FRMD3: variants seen among roughly 807,000 people sequenced by gnomAD.
FRMD3 encodes the protein FERM domain containing 3, also known as FERM domain-containing protein 3.
In FRMD3, 33 loss-of-function variants were observed where a neutral mutation model predicts 70.2. That is an observed-to-expected ratio of 0.47 (90% CI 0.36 to 0.63). The LOEUF (loss-of-function observed/expected upper bound fraction) is 0.63. Ranked by LOEUF, FRMD3 falls within the 20% of genes least tolerant of loss-of-function variation. The pLI, the probability that FRMD3 is intolerant of heterozygous loss-of-function variation, is 0.00. For synonymous variants in FRMD3, 279 were observed against 255.9 expected, an observed-to-expected ratio of 1.09 and a Z score of -0.86; for missense variants, 632 against 711.4, an observed-to-expected ratio of 0.89 and a Z score of 1.27.
At chr9:83,512,233 T>G (rs1829353651) in intron 1 of FRMD3, among the ~76,000 whole-genome samples, 1 of 152,244 alleles carries the variant, frequency 6.6e-6, no homozygotes, top group African/African-American at 2.4e-5. Flanking sequence ...TTATTTATTC[T>G]TTCAGCTAAC....
Position 83,299,273 on chromosome 9 carries a change from T to TA in FRMD3, c.927-88dup, listed in dbSNP as rs1305297595. 4.0e-6 allele frequency: 3 copies of TA among 756,008 alleles called. No homozygotes were observed. The African/African-American group carries it at 5.3e-5, about 13-fold the overall frequency. The allele number at this position is 756,008 out of a possible 1,614,324, so 46.8% of individuals were successfully genotyped here. A position where few individuals can be genotyped will look rare whatever the true frequency, so the allele number is the denominator to read the frequency against. On this transcript the variant is annotated intron_variant, in intron 10 of 13. Transcript: ENST00000304195. Reference sequence around the variant, plus strand: ...TAGAGGTGTGGTGATGGGGTATTTTTACTGCAAGAAAGAAATGTAATTTAC... The same window carrying TA: ...TAGAGGTGTGGTGATGGGGTATTTTTAACTGCAAGAAAGAAATGTAATTTAC...
intron 1 of FRMD3, among the ~76,000 whole-genome samples, chr9:83,414,834 T>C (rs1017067833): frequency 3.3e-5 from 5 of 152,356 alleles, no homozygotes; most frequent in Admixed American, 3.3e-4. Flanking sequence ...CCTTGTTGTA[T>C]GTTTTGATAT....
At chr9:83,354,010 C>T (rs554143856) in intron 3 of FRMD3, among the ~76,000 whole-genome samples, 13 of 152,212 alleles carry the variant, frequency 8.5e-5, no homozygotes, top group East Asian at 7.7e-4. Context: ...CTGCAACCTC[C>T]GCCTCTTGGG....
chr9:83,480,676 G>A (rs1828547782), intron 1 of FRMD3, among the ~76,000 whole-genome samples: 1 of 151,990 alleles, frequency 6.6e-6, no homozygotes, highest in Admixed American at 6.6e-5. Context: ...TGTCTTTTTA[G>A]TAGAGACAGG....
intron 1 of FRMD3, among the ~76,000 whole-genome samples, chr9:83,523,357 T>C (rs1388445999): frequency 6.6e-6 from 1 of 152,172 alleles, no homozygotes; most frequent in African/African-American, 2.4e-5. Flanking sequence ...AAATATTTTC[T>C]TAAGTCTTCA....
the FRMD3 span, among the ~76,000 whole-genome samples, chr9:83,567,468 A>C: frequency 1.3e-5 from 2 of 152,214 alleles, no homozygotes; most frequent in Non-Finnish European, 2.9e-5. Flanking sequence ...AAATTTCTGC[A>C]ACTGGTTTGA....
chr9:83,262,069 T>A (rs1833019231), intron 13 of FRMD3, among the ~76,000 whole-genome samples: 1 of 152,180 alleles, frequency 6.6e-6, no homozygotes, highest in Admixed American at 6.5e-5. Context: ...TTCATGTAAC[T>A]CAATATTTCT....
At chr9:83,365,013 C>T (rs915089395) in intron 3 of FRMD3, among the ~76,000 whole-genome samples, 3 of 152,268 alleles carry the variant, frequency 2.0e-5, no homozygotes, top group African/African-American at 7.2e-5. Flanking sequence ...GGCTCTATAT[C>T]TTAATTACTA....
chr9:83,492,743 A>G (rs1828857372), intron 1 of FRMD3, among the ~76,000 whole-genome samples: 2 of 152,102 alleles, frequency 1.3e-5, no homozygotes, highest in African/African-American at 4.8e-5. Flanking sequence ...CTCAGCCTCC[A>G]CCACTCACAA....
chr9:83,550,764 T>A, the FRMD3 span, among the ~76,000 whole-genome samples: 1 of 151,576 alleles, frequency 6.6e-6, no homozygotes, highest in South Asian at 2.1e-4. Context: ...TCTTTCTGAT[T>A]TGGCTCTCAG....
At chr9:83,304,372 G>A (rs908661789) in intron 10 of FRMD3, among the ~76,000 whole-genome samples, 2 of 152,022 alleles carry the variant, frequency 1.3e-5, no homozygotes, top group African/African-American at 2.4e-5. Context: ...TGTGGTCTAC[G>A]GACCCACCGC....
At chr9:83,385,116 A>G (rs1387723228) in intron 2 of FRMD3, among the ~76,000 whole-genome samples, 1 of 152,146 alleles carries the variant, frequency 6.6e-6, no homozygotes, top group Non-Finnish European at 1.5e-5. Context: ...TAATTATTTC[A>G]AAACTTCATC....
the FRMD3 span, among the ~76,000 whole-genome samples, chr9:83,553,103 G>A: frequency 6.6e-6 from 1 of 152,082 alleles, no homozygotes; most frequent in South Asian, 2.1e-4. Context: ...TTTTGTATTA[G>A]CTAGCAGCAG....
intron 1 of FRMD3, among the ~76,000 whole-genome samples, chr9:83,438,383 C>A (rs1051996240): frequency 2.2e-4 from 33 of 150,916 alleles, no homozygotes; most frequent in Non-Finnish European, 4.4e-4. Flanking sequence ...TTCTTTCTAC[C>A]CACTCTACCT....
At chr9:83,298,974 AT>A (rs1834790698) in intron 11 of FRMD3, 137 bp downstream of exon 11, 1 of 941,190 alleles carries the variant, frequency 1.1e-6, no homozygotes, top group Non-Finnish European at 1.7e-6. Context: ...CCCTGTGAGC[AT>A]AAGACAGCAA....
chr9:83,567,130 AC>A, the FRMD3 span, among the ~76,000 whole-genome samples: 1 of 152,144 alleles, frequency 6.6e-6, no homozygotes, highest in East Asian at 1.9e-4. Flanking sequence ...AGGTTCCCAA[AC>A]CTCAGTTCCT....
intron 13 of FRMD3, among the ~76,000 whole-genome samples, chr9:83,272,709 G>T (rs1384247073): frequency 6.9e-6 from 1 of 144,876 alleles, no homozygotes; most frequent in Non-Finnish European, 1.5e-5. Context: ...GCCTCTTCCC[G>T]GCCGCCATCC....
At chr9:83,301,549 C>G (rs921560140) in intron 10 of FRMD3, among the ~76,000 whole-genome samples, 2 of 150,010 alleles carry the variant, frequency 1.3e-5, no homozygotes, top group Non-Finnish European at 3.0e-5. Flanking sequence ...GATTGAGTTT[C>G]TTAATTGGGT....
chr9:83,354,222 G>C (rs1037564608), intron 3 of FRMD3, among the ~76,000 whole-genome samples: 1 of 152,076 alleles, frequency 6.6e-6, no homozygotes, highest in Non-Finnish European at 1.5e-5. Flanking sequence ...CACTGTGCCT[G>C]GCCAAAAATT....
Sources: gnomAD v4.1 joint callset for allele counts (sites outside exome capture counted in the v4.1 genomes callset) on GRCh38, gnomAD v4.1.1 for gene constraint, MANE v1.5 for transcripts, NCBI Gene and HGNC (gene_info 2026-07-23, HGNC 2026-07-21) for gene names.